Variants in RHOH observed in about 807,000 individuals in gnomAD.
The protein encoded by RHOH is rho-related GTP-binding protein RhoH.
Under a neutral mutation model 13.8 loss-of-function variants are expected in RHOH, and 6 were observed. The observed-to-expected ratio is 0.44, with a 90% CI of 0.24 to 0.86. The LOEUF is 0.86. RHOH is among the 40% of genes least tolerant of loss of function. RHOH has a pLI of 0.24. For missense variants in RHOH, 147 were observed against 244.5 expected (o/e 0.60, Z 2.66); for synonymous variants, 117 against 103.0 (o/e 1.14, Z -0.82).
intron 1 of RHOH, among the ~76,000 whole-genome samples, chr4:40,212,991 G>A (rs188559164): frequency 2.0e-4 from 31 of 152,332 alleles, no homozygotes; most frequent in African/African-American, 6.5e-4. Flanking sequence ...AGAGCGAGAC[G>A]TGTGCTGTGG....
At chr4:40,211,630 T>C (rs992263330) in intron 1 of RHOH, among the ~76,000 whole-genome samples, 2 of 152,176 alleles carry the variant, frequency 1.3e-5, no homozygotes, top group Admixed American at 6.5e-5. Context: ...TTTCACAGGA[T>C]TTTTAGCGAG....
At chr4:40,205,905 C>T (rs1293808395) in intron 1 of RHOH, 3 of 152,212 alleles carry the variant, frequency 2.0e-5, no homozygotes, top group Non-Finnish European at 4.4e-5. Context: ...AAGGGAAAAT[C>T]TATAACAAAT....
chr4:40,222,172 G>C (rs865847971), intron 1 of RHOH, among the ~76,000 whole-genome samples: 5 of 152,202 alleles, frequency 3.3e-5, no homozygotes, highest in Non-Finnish European at 4.4e-5. Context: ...AAAGTATAAA[G>C]AGAGGCAGCA....
rs1380944147 is a variant in RHOH at position 40,197,225 on chromosome 4, T to A, written c.-406T>A. On this transcript the variant is annotated 5_prime_UTR_variant, in exon 1 of 3. Transcript: ENST00000381799. The stretch of plus-strand genomic sequence containing the variant: ...GGCTTGGGCCGCTTTTGTTTTCACC[T>A]GCTTTTGTTGAACAAATTTGATTTC... 1 of 152,256 alleles carries A rather than the reference T, an allele frequency of 6.6e-6. No homozygotes were observed. The highest frequency in any genetic ancestry group is 1.5e-5 in the Non-Finnish European group (1 of 68,044). The allele number at this position is 152,256 out of a possible 1,614,324, so 9.4% of individuals were successfully genotyped here.
upstream of RHOH, among the ~76,000 whole-genome samples, chr4:40,194,857 G>A (rs906646584): frequency 1.3e-5 from 2 of 152,156 alleles, no homozygotes; most frequent in East Asian, 1.9e-4. Flanking sequence ...ACCACCTCAC[G>A]GACTTGTGGC....
chr4:40,230,506 G>A (rs1437482260), intron 1 of RHOH, among the ~76,000 whole-genome samples: 1 of 151,008 alleles, frequency 6.6e-6, no homozygotes, highest in African/African-American at 2.4e-5. Context: ...AATTTTTTTT[G>A]TCTGTGTTTT....
At chr4:40,216,048 CT>C (rs1156641625) in intron 1 of RHOH, among the ~76,000 whole-genome samples, 1 of 152,010 alleles carries the variant, frequency 6.6e-6, no homozygotes, top group Non-Finnish European at 1.5e-5. Context: ...TCGTTTTCCG[CT>C]TTTTCATCGC....
At chr4:40,235,590 C>CAA (rs34336418) in intron 1 of RHOH, among the ~76,000 whole-genome samples, 2,902 of 74,368 alleles carry the variant, frequency 0.039, 65 homozygotes, top group Non-Finnish European at 0.049. Flanking sequence ...AACTTCATCT[C>CAA]AAAAAAAAAA....
upstream of RHOH, among the ~76,000 whole-genome samples, chr4:40,196,366 T>A (rs1163250732): frequency 6.6e-6 from 1 of 152,098 alleles, no homozygotes; most frequent in Non-Finnish European, 1.5e-5. Flanking sequence ...TTGCAGATGG[T>A]CTCTACACCT....
At chr4:40,240,348 G>A (rs548729953) in intron 1 of RHOH, 1 of 152,346 alleles carries the variant, frequency 6.6e-6, no homozygotes, top group East Asian at 1.9e-4. Flanking sequence ...TCTTGGTGGT[G>A]AGTGCTCATA....
At chr4:40,214,824 C>T (rs562902224) in intron 1 of RHOH, among the ~76,000 whole-genome samples, 5 of 152,182 alleles carry the variant, frequency 3.3e-5, no homozygotes, top group Non-Finnish European at 7.4e-5. Flanking sequence ...ATCATTCAGT[C>T]ACCTCCTTCC....
chr4:40,246,376 A>C lies in RHOH; in HGVS notation c.*2414A>C, dbSNP rs1729766829. The C allele has an allele frequency of 6.6e-6, 1 of 152,506 alleles. No homozygotes were observed. The highest frequency in any genetic ancestry group is 2.4e-5 in the African/African-American group (1 of 41,444). The allele number at this position is 152,506 out of a possible 1,614,324, so 9.4% of individuals were successfully genotyped here. A position where few individuals can be genotyped will look rare whatever the true frequency, so the allele number is the denominator to read the frequency against. ...ACGGTGGCAGCAGAGCAGGAAGGGA[A>C]GGCCAGAGAGGGCACACTCAAATGG... On this transcript the variant is annotated 3_prime_UTR_variant, in exon 3 of 3. Coordinates refer to ENST00000381799, the MANE Select transcript of RHOH (RefSeq NM_004310.5).
chr4:40,244,255 T>A lies in RHOH; in HGVS notation c.*293T>A. 3.1e-6 allele frequency: 1 copy of A among 317,892 alleles called. No homozygotes were observed. 19.7% of individuals were successfully genotyped at this position (317,892 alleles called of 1,614,324 possible). ...CCATAATTTTGGACGATGAAGTGAG[T>A]TTTTCAAAGAATTCCATATTTAAAG... On this transcript the variant is annotated 3_prime_UTR_variant, in exon 3 of 3. Transcript: ENST00000381799.
intron 1 of RHOH, among the ~76,000 whole-genome samples, 187 bp downstream of exon 1, chr4:40,197,487 C>G (rs566102346): frequency 6.6e-6 from 1 of 152,244 alleles, no homozygotes; most frequent in African/African-American, 2.4e-5. Flanking sequence ...CTGCCCCTCA[C>G]CACAGTCCTA....
intron 1 of RHOH, among the ~76,000 whole-genome samples, chr4:40,204,767 T>C (rs1475942320): frequency 6.6e-6 from 1 of 152,186 alleles, no homozygotes; most frequent in Admixed American, 6.5e-5. Flanking sequence ...CAGGTGTAGT[T>C]TTATAGCATC....
chr4:40,221,318 A>G (rs1726545119), intron 1 of RHOH, among the ~76,000 whole-genome samples: 1 of 152,138 alleles, frequency 6.6e-6, no homozygotes, highest in East Asian at 1.9e-4. Context: ...GCTTTTTTTC[A>G]GTTACTAATA....
At chr4:40,213,870 G>A (rs9999228) in intron 1 of RHOH, among the ~76,000 whole-genome samples, 4,346 of 152,168 alleles carry the variant, frequency 0.029, 207 homozygotes, top group African/African-American at 0.098. Context: ...TGATTCTCCT[G>A]CTCAGCCTCC....
chr4:40,212,555 T>C (rs1414482693), intron 1 of RHOH: 1 of 152,142 alleles, frequency 6.6e-6, no homozygotes, highest in Non-Finnish European at 1.5e-5. Flanking sequence ...AGGTGATTTT[T>C]TAAAAAACTT....
At chr4:40,217,375 CT>C (rs922452464) in intron 1 of RHOH, among the ~76,000 whole-genome samples, 7 of 151,600 alleles carry the variant, frequency 4.6e-5, no homozygotes, top group African/African-American at 1.7e-4. Context: ...TTTATTTTTA[CT>C]TTTTTTTTGT....
Sources: allele counts gnomAD v4.1 joint callset (sites outside exome capture counted in the v4.1 genomes callset), GRCh38; gene constraint gnomAD v4.1.1; transcripts MANE v1.5; gene names NCBI Gene and HGNC (gene_info 2026-07-23, HGNC 2026-07-21).